The following HDAC9 variants were observed in gnomAD, a reference collection of about 807,000 sequenced individuals.
HDAC9 encodes MEF-2 interacting transcription repressor (MITR) protein.
Under a neutral mutation model 139.4 loss-of-function variants are expected in HDAC9, and 41 were observed. The observed-to-expected ratio is 0.29, with a 90% CI of 0.23 to 0.38. The LOEUF (loss-of-function observed/expected upper bound fraction) is 0.38, where lower values mean the gene tolerates loss of function less well. Among genes scored for constraint, HDAC9 ranks in the 10% least tolerant of loss-of-function variants. The pLI, the probability that HDAC9 is intolerant of heterozygous loss-of-function variation, is 1.00. For missense variants in HDAC9, 1,147 were observed against 1,297.0 expected, an observed-to-expected ratio of 0.88 and a Z score of 1.78; for synonymous variants, 517 against 476.2, an observed-to-expected ratio of 1.09 and a Z score of -1.12.
intron 1 of HDAC9, among the ~76,000 whole-genome samples, chr7:18,427,724 T>C (rs1456103561): frequency 6.6e-6 from 1 of 151,580 alleles, no homozygotes; most frequent in East Asian, 1.9e-4. Context: ...AAATATTTTC[T>C]TTTATTGTGG....
At chr7:18,729,513 T>C (rs1029962800) in intron 13 of HDAC9, among the ~76,000 whole-genome samples, 1 of 152,074 alleles carries the variant, frequency 6.6e-6, no homozygotes, top group Non-Finnish European at 1.5e-5. Context: ...ATCTGAATAT[T>C]AGAGAGAACC....
intron 11 of HDAC9, among the ~76,000 whole-genome samples, chr7:18,656,568 T>A (rs1357759641): frequency 6.6e-6 from 1 of 152,188 alleles, no homozygotes; most frequent in African/African-American, 2.4e-5. Context: ...TTGGTCAAGA[T>A]ATTCAACCTT....
chr7:18,909,190 CTTCTT>C (rs1802531426), intron 22 of HDAC9, among the ~76,000 whole-genome samples: 1 of 151,932 alleles, frequency 6.6e-6, no homozygotes, highest in Admixed American at 6.6e-5. Flanking sequence ...ATTCGTATGT[CTTCTT>C]TTAAGAAATG....
At chr7:18,860,890 C>T (rs745495864) in intron 21 of HDAC9, among the ~76,000 whole-genome samples, 15 of 152,062 alleles carry the variant, frequency 9.9e-5, no homozygotes, top group East Asian at 9.7e-4. Context: ...GACCCTTGCC[C>T]GCTCTCCACA....
chr7:18,590,244 G>A, intron 3 of HDAC9, 92 bp from the exon 4 acceptor site: 2 of 1,321,160 alleles, frequency 1.5e-6, no homozygotes, highest in South Asian at 2.9e-5. Context: ...ATACAAACAA[G>A]TTCCAAAAGC....
At chr7:18,948,439 C>CTATATAGATATA (rs1450724188) in intron 23 of HDAC9, among the ~76,000 whole-genome samples, 1 of 151,830 alleles carries the variant, frequency 6.6e-6, no homozygotes, top group African/African-American at 2.4e-5. Flanking sequence ...AATTATATAT[C>CTATATAGATATA]TATATAACTG....
intron 22 of HDAC9, among the ~76,000 whole-genome samples, chr7:18,884,617 T>G (rs1799985101): frequency 6.6e-6 from 1 of 152,186 alleles, no homozygotes; most frequent in African/African-American, 2.4e-5. Context: ...AGAAAAGATT[T>G]ATGGCTATAG....
At chr7:18,988,009 A>G (rs1189579190) in intron 25 of HDAC9, among the ~76,000 whole-genome samples, 1 of 152,108 alleles carries the variant, frequency 6.6e-6, no homozygotes, top group Non-Finnish European at 1.5e-5. Context: ...TGATCCTTTC[A>G]AAAAACCAGC....
intron 21 of HDAC9, among the ~76,000 whole-genome samples, chr7:18,874,101 C>T (rs1173614769): frequency 6.6e-6 from 1 of 151,768 alleles, no homozygotes; most frequent in African/African-American, 2.4e-5. Flanking sequence ...GCCGGGTTTT[C>T]ACTAAAGCTT....
At position 18,748,798 on chromosome 7, in the gene HDAC9, G is replaced by A. The variant is rs191830594; in HGVS notation, c.1910-207G>A. 2.4e-3 allele frequency among the ~76,000 whole-genome samples: 360 copies of A among 152,294 alleles called. 1 individual carries two copies. Among genetic ancestry groups the A allele is most frequent in the African/African-American group, 8.6e-3 (356 of 41,562 alleles). ...CTAGGGTCTGAGTACTGGTTAATGCGTAAGTTCGTGTTTTTGAGTAAATAT... is the reference window on the plus strand; with the variant it reads ...CTAGGGTCTGAGTACTGGTTAATGCATAAGTTCGTGTTTTTGAGTAAATAT... On this transcript the variant is annotated intron_variant, in intron 13 of 25. Coordinates refer to ENST00000686413, the MANE Select transcript of HDAC9 (RefSeq NM_178425.4).
chr7:18,203,530 A>G (rs1461991125), intron 2 of HDAC9, among the ~76,000 whole-genome samples: 1 of 152,166 alleles, frequency 6.6e-6, no homozygotes, highest in African/African-American at 2.4e-5. Context: ...AAATTTCATC[A>G]TATAATGCAT....
chr7:18,684,337 T>C (rs1298694644), intron 12 of HDAC9, among the ~76,000 whole-genome samples: 1 of 147,916 alleles, frequency 6.8e-6, no homozygotes, highest in African/African-American at 2.5e-5. Flanking sequence ...AAACTTTCTT[T>C]TCATCAAAAC....
chr7:18,792,242 C>A (rs2129178452), intron 16 of HDAC9, among the ~76,000 whole-genome samples: 1 of 147,312 alleles, frequency 6.8e-6, no homozygotes, highest in South Asian at 2.1e-4. Flanking sequence ...GATTAGGCCC[C>A]TTGCATTTAA....
chr7:18,988,593 G>C (rs1418801610), intron 25 of HDAC9, among the ~76,000 whole-genome samples: 2 of 152,158 alleles, frequency 1.3e-5, no homozygotes, highest in African/African-American at 4.8e-5. Flanking sequence ...TTGGTGCAGA[G>C]CTGAGTTCAA....
At chr7:18,188,361 A>G (rs563811762) in intron 2 of HDAC9, among the ~76,000 whole-genome samples, 80 of 152,338 alleles carry the variant, frequency 5.3e-4, no homozygotes, top group African/African-American at 1.9e-3. Flanking sequence ...AGATGGATTA[A>G]AGACTTAAAT....
chr7:18,848,286 C>T (rs139288303), intron 21 of HDAC9, among the ~76,000 whole-genome samples: 5 of 152,208 alleles, frequency 3.3e-5, no homozygotes, highest in South Asian at 4.2e-4. Context: ...ATACTCAGCT[C>T]GTTTTAAGTA....
At chr7:18,421,830 A>G (rs1408637846) in intron 1 of HDAC9, among the ~76,000 whole-genome samples, 2 of 152,312 alleles carry the variant, frequency 1.3e-5, no homozygotes, top group African/African-American at 4.8e-5. Flanking sequence ...AGTCTCTTGT[A>G]AGGACAGCAC....
At chr7:18,775,188 A>G (rs1369785166) in intron 16 of HDAC9, among the ~76,000 whole-genome samples, 1 of 152,060 alleles carries the variant, frequency 6.6e-6, no homozygotes. Flanking sequence ...ACTATCAAAG[A>G]TGACTGATCA....
intron 6 of HDAC9, among the ~76,000 whole-genome samples, chr7:18,628,365 A>G (rs1781341488): frequency 6.6e-6 from 1 of 152,168 alleles, no homozygotes; most frequent in Non-Finnish European, 1.5e-5. Flanking sequence ...TAGGCTTTCC[A>G]GATGTTTTTA....
Sources: gnomAD v4.1 joint callset for allele counts (sites outside exome capture counted in the v4.1 genomes callset) on GRCh38, gnomAD v4.1.1 for gene constraint, MANE v1.5 for transcripts, NCBI Gene and HGNC (gene_info 2026-07-23, HGNC 2026-07-21) for gene names.